Variants in FAM3D observed in about 807,000 individuals in gnomAD.
FAM3D encodes FAM3 metabolism regulating signaling molecule D, also known as protein FAM3D.
In FAM3D, 26 loss-of-function variants were observed where a neutral mutation model predicts 29.8. That is an observed-to-expected ratio of 0.87 (90% CI 0.64 to 1.21). FAM3D has a LOEUF of 1.21. Ranked by LOEUF, FAM3D falls within the 50% of genes most tolerant of loss-of-function variation. The pLI is 0.00. For synonymous variants in FAM3D, 115 were observed against 102.3 expected, an observed-to-expected ratio of 1.12 and a Z score of -0.75; for missense variants, 253 against 290.9, an observed-to-expected ratio of 0.87 and a Z score of 0.95.
rs578029816 is a variant in FAM3D, at chr3:58,657,665, T to A, written c.-38-2064A>T. On this transcript the variant is annotated intron_variant, in intron 1 of 9. Coordinates refer to ENST00000358781, the MANE Select transcript of FAM3D (RefSeq NM_138805.3). ...TCCCCAGCCTGCTCTTCCTCTGGGC[T>A]GAGTTGCCCTCCCAGCACCTGCAGA... 2.6e-5 allele frequency: 4 copies of A among 152,462 alleles called. No homozygotes were observed. The South Asian group carries it at 6.2e-4, about 24-fold the overall frequency. 9.4% of individuals were successfully genotyped at this position (152,462 alleles called of 1,614,324 possible).
rs1412402298 is a variant in FAM3D, at chr3:58,634,084, G to A, written c.*195C>T. On this transcript the variant is annotated 3_prime_UTR_variant, in exon 10 of 10. Coordinates refer to ENST00000358781, the MANE Select transcript of FAM3D (RefSeq NM_138805.3). The surrounding 1 kb of genome is among the most constrained non-coding windows in gnomAD (Gnocchi z 4.6). ...GCTGGTTCCAGAAGGACCCTCTGAG[G>A]CTGGTCTTCCGGGTAGGATGTGCTG... 3.3e-5 allele frequency: 18 copies of A among 539,646 alleles called. No individual in the cohort carries two copies. The East Asian group carries it at 5.8e-4, about 17-fold the overall frequency. The allele number at this position is 539,646 out of a possible 1,614,324, so 33.4% of individuals were successfully genotyped here. A position where few individuals can be genotyped will look rare whatever the true frequency, so the allele number is the denominator to read the frequency against.
intron 5 of FAM3D, 118 bp from the exon 6 acceptor site, chr3:58,643,838 C>A: frequency 1.1e-6 from 1 of 878,020 alleles, no homozygotes; most frequent in Non-Finnish European, 1.9e-6. Context: ...CATTGGGAAA[C>A]ACATGCAATA....
intron 4 of FAM3D, among the ~76,000 whole-genome samples, chr3:58,647,303 C>A (rs574538170): frequency 1.8e-4 from 28 of 152,230 alleles, no homozygotes; most frequent in Non-Finnish European, 3.1e-4. Context: ...GGAGAGAGGG[C>A]CGGGCTGGGG....
intron 6 of FAM3D, among the ~76,000 whole-genome samples, chr3:58,642,439 G>A (rs913714296): frequency 1.3e-5 from 2 of 152,196 alleles, no homozygotes; most frequent in Non-Finnish European, 2.9e-5. Flanking sequence ...ACACAAGCTC[G>A]ACAAGTTCCT....
chr3:58,647,314 G>A (rs2066509890), intron 4 of FAM3D, among the ~76,000 whole-genome samples: 1 of 152,222 alleles, frequency 6.6e-6, no homozygotes, highest in Non-Finnish European at 1.5e-5. Context: ...CGGGCTGGGG[G>A]TGGACCAACT....
chr3:58,643,740 A>G lies in FAM3D; in HGVS notation c.264-20T>C, dbSNP rs2066399971. Reference sequence around the variant, plus strand: ...ATGATCCTGAAGACAATGAAGAAGAAATATGACAGTCGGTCCCGAGTGTGG... The same window carrying G: ...ATGATCCTGAAGACAATGAAGAAGAGATATGACAGTCGGTCCCGAGTGTGG... On this transcript the variant is annotated intron_variant, in intron 5 of 9. Coordinates refer to ENST00000358781, the MANE Select transcript of FAM3D (RefSeq NM_138805.3). 3 of 1,613,308 alleles carry G rather than the reference A, an allele frequency of 1.9e-6. No homozygotes were observed. The highest frequency in any genetic ancestry group is 1.7e-4 in the Middle Eastern group (1 of 5,970).
At chr3:58,640,999 G>C (rs1458387596) in intron 6 of FAM3D, among the ~76,000 whole-genome samples, 1 of 152,152 alleles carries the variant, frequency 6.6e-6, no homozygotes, top group African/African-American at 2.4e-5. Flanking sequence ...CTGCTTTTGT[G>C]ATCGCGTGCG....
chr3:58,635,016 C>T lies in FAM3D; in HGVS notation c.586-648G>A, dbSNP rs2066121756. Among the ~76,000 whole-genome samples the T allele has an allele frequency of 6.6e-6, 1 of 151,970 alleles. No individual in the cohort carries two copies. The highest frequency in any genetic ancestry group is 2.4e-5 in the African/African-American group (1 of 41,360). Reference sequence around the variant, plus strand: ...CATGGGAGACCCTGTCTCTAGAAAACATAAAAAAATTAGCTGGATGTGGTG... The same window carrying T: ...CATGGGAGACCCTGTCTCTAGAAAATATAAAAAAATTAGCTGGATGTGGTG... On this transcript the variant is annotated intron_variant, in intron 9 of 9. Coordinates refer to ENST00000358781, the MANE Select transcript of FAM3D (RefSeq NM_138805.3). This position sits in a 1 kb window ranked among gnomAD's most constrained non-coding sequence, Gnocchi z 5.2.
chr3:58,658,231 G>C (rs1051316708), intron 1 of FAM3D, among the ~76,000 whole-genome samples: 1 of 152,190 alleles, frequency 6.6e-6, no homozygotes, highest in Non-Finnish European at 1.5e-5. Flanking sequence ...CCTAGGATGC[G>C]GGGCATTGAG....
chr3:58,664,048 C>G (rs141878650), intron 1 of FAM3D, among the ~76,000 whole-genome samples: 1 of 151,506 alleles, frequency 6.6e-6, no homozygotes, highest in Non-Finnish European at 1.5e-5. Flanking sequence ...TGGTGGCCAA[C>G]AGCATGGATC....
intron 5 of FAM3D, among the ~76,000 whole-genome samples, chr3:58,644,131 G>A (rs528604522): frequency 5.2e-4 from 79 of 152,334 alleles, no homozygotes; most frequent in African/African-American, 1.9e-3. Context: ...GTCTCTGGAT[G>A]TGCGGTGGGA....
intron 3 of FAM3D, 141 bp from the exon 4 acceptor site, chr3:58,649,479 C>T (rs2066569438): frequency 4.5e-6 from 4 of 885,004 alleles, no homozygotes; most frequent in East Asian, 5.3e-5. Flanking sequence ...TGCCTTGCCA[C>T]TGTCACCCCT....
chr3:58,652,377 T>TTCAC (rs1327051920), intron 3 of FAM3D, among the ~76,000 whole-genome samples: 1 of 151,098 alleles, frequency 6.6e-6, no homozygotes, highest in Non-Finnish European at 1.5e-5. Context: ...TGTCCATCCA[T>TTCAC]TCATTCATTC....
chr3:58,649,168 A>C, intron 4 of FAM3D, 147 bp downstream of exon 4: 1 of 971,186 alleles, frequency 1.0e-6, no homozygotes. Context: ...ATGGGAGGAG[A>C]GGACTGGGAA....
At chr3:58,660,676 C>G (rs2066912209) in intron 1 of FAM3D, among the ~76,000 whole-genome samples, 1 of 152,140 alleles carries the variant, frequency 6.6e-6, no homozygotes, top group African/African-American at 2.4e-5. Flanking sequence ...TTGGGCCAGT[C>G]AGAGCTGCAT....
intron 6 of FAM3D, 122 bp downstream of exon 6, chr3:58,643,540 C>T: frequency 1.9e-6 from 2 of 1,080,886 alleles, no homozygotes; most frequent in Non-Finnish European, 2.8e-6. Flanking sequence ...CCCTCCTGAG[C>T]TCTACGGGCA....
intron 1 of FAM3D, among the ~76,000 whole-genome samples, chr3:58,664,167 G>T (rs562782659): frequency 2.4e-4 from 37 of 152,142 alleles, no homozygotes; most frequent in Non-Finnish European, 2.5e-4. Context: ...TGCAAAATGG[G>T]GATGATAAGA....
intron 7 of FAM3D, among the ~76,000 whole-genome samples, 176 bp from the exon 8 acceptor site, chr3:58,637,401 G>T (rs2066205293): frequency 6.6e-6 from 1 of 152,134 alleles, no homozygotes; most frequent in African/African-American, 2.4e-5. Flanking sequence ...CTTGTCCTAG[G>T]GGAGGGCAGA....
At chr3:58,636,182 A>G in intron 9 of FAM3D, 112 bp downstream of exon 9, 1 of 1,480,470 alleles carries the variant, frequency 6.8e-7, no homozygotes, top group Non-Finnish European at 9.0e-7. Context: ...GCCTCTCCCC[A>G]GACAATCCTC....
Sources: gnomAD v4.1 joint callset for allele counts (sites outside exome capture counted in the v4.1 genomes callset) on GRCh38, gnomAD v4.1.1 for gene constraint, Gnocchi (gnomAD v3.1) non-coding constraint, MANE v1.5 for transcripts, NCBI Gene and HGNC (gene_info 2026-07-23, HGNC 2026-07-21) for gene names.